The following RECQL5 variants were observed in gnomAD, a reference collection of about 807,000 sequenced individuals.
RECQL5 encodes ATP-dependent DNA helicase Q5.
Under a neutral mutation model 103.4 loss-of-function variants are expected in RECQL5, and 88 were observed. The observed-to-expected ratio is 0.85, with a 90% CI of 0.72 to 1.02. The LOEUF (loss-of-function observed/expected upper bound fraction) is 1.02. Ranked by LOEUF, RECQL5 falls within the 50% of genes least tolerant of loss-of-function variation. The pLI, the probability that RECQL5 is intolerant of heterozygous loss-of-function variation, is 0.00. For missense variants in RECQL5, 1,232 were observed against 1,284.3 expected, an observed-to-expected ratio of 0.96 and a Z score of 0.62; for synonymous variants, 552 against 507.9, an observed-to-expected ratio of 1.09 and a Z score of -1.17.
chr17:75,661,140 A>T lies in RECQL5; in HGVS notation c.875-74T>A, dbSNP rs560183845. On this transcript the variant is annotated intron_variant, in intron 5 of 19. Transcript: ENST00000317905. ...TTACCGGGGGCCTATTTTGGGTTTG[A>T]CACTGTGTGCTAGGCACTTCACAAA... 2,027 of 1,140,468 alleles carry T rather than the reference A, an allele frequency of 1.8e-3. 5 individuals are homozygous for T. The highest frequency in any genetic ancestry group is 2.4e-3 in the Non-Finnish European group (1,770 of 748,362). 70.6% of individuals were successfully genotyped at this position (1,140,468 alleles called of 1,614,324 possible). A position where few individuals can be genotyped will look rare whatever the true frequency, so the allele number is the denominator to read the frequency against.
At chr17:75,650,780 G>A (rs945355987) in intron 8 of RECQL5, 6 of 1,572,894 alleles carry the variant, frequency 3.8e-6, no homozygotes, top group Admixed American at 3.7e-5. Context: ...AGGTAAGTGG[G>A]GCCACAGGCT....
In RECQL5 at chr17:75,629,058, G is replaced by A. The variant is rs774613905; in HGVS notation, c.2365C>T (p.Pro789Ser). 34 of 1,608,642 alleles carry A rather than the reference G, an allele frequency of 2.1e-5. No homozygotes were observed. Among genetic ancestry groups the A allele is most frequent in the Non-Finnish European group, 6.8e-6 (8 of 1,177,178 alleles). The change falls in exon 16 of 20, where the codon CCC becomes TCC. Residue 789 changes from proline (P) to serine (S), a missense_variant. Pro to Ser is a moderately conservative substitution (Grantham distance 74, BLOSUM62 -1). Transcript: ENST00000317905. ...ASAPEAEGAC[P>S]SCEGVQGPPM... ...GGTCCCTGAACCCCCTCACAGGAGG[G>A]GCAGGCACCTTCTGCCTCTGGGGCT...
At chr17:75,647,269 C>T (rs910291150) in intron 8 of RECQL5, 1 of 1,019,256 alleles carries the variant, frequency 9.8e-7, no homozygotes, top group Non-Finnish European at 1.4e-6. Context: ...CGGCTGCTCA[C>T]AGAGGCTGCT....
chr17:75,656,979 C>G (rs188214344), intron 7 of RECQL5, among the ~76,000 whole-genome samples: 11 of 152,130 alleles, frequency 7.2e-5, no homozygotes, highest in South Asian at 6.2e-4. Context: ...CTCCTGACCT[C>G]GTGATCCACC....
intron 8 of RECQL5, chr17:75,647,558 A>T: frequency 4.5e-6 from 7 of 1,550,078 alleles, no homozygotes; most frequent in Non-Finnish European, 6.1e-6. Flanking sequence ...GCGGGTGAAG[A>T]GGAGTGACCT....
At chr17:75,657,097 G>A (rs1377672295) in intron 7 of RECQL5, among the ~76,000 whole-genome samples, 4 of 152,070 alleles carry the variant, frequency 2.6e-5, no homozygotes, top group African/African-American at 7.2e-5. Flanking sequence ...GGCTGGACAC[G>A]GTGGCTCACG....
At position 75,651,188 on chromosome 17, in the gene RECQL5, C is replaced by T. The variant is rs368798561; in HGVS notation, c.1227G>A (p.Leu409=). The T allele has an allele frequency of 2.0e-5, 32 of 1,614,074 alleles. No homozygotes were observed. The highest frequency in any genetic ancestry group is 2.5e-5 in the Non-Finnish European group (29 of 1,180,042). ...CACATATAAAATAAGTCACTTACCC[C>T]AGTTCTTCACAGAAGGTCACCAGGG... ...FDALVTFCEE[L]GCRHAAIAKY... Residue 409 remains leucine, a splice_region_variant and synonymous_variant, in exon 8 of 20, where the codon CTG becomes CTA. Transcript: ENST00000317905.
At chr17:75,660,763 G>A (rs767086350) in intron 6 of RECQL5, among the ~76,000 whole-genome samples, 192 bp downstream of exon 6, 5 of 152,210 alleles carry the variant, frequency 3.3e-5, no homozygotes, top group African/African-American at 7.2e-5. Flanking sequence ...GAACCATGCC[G>A]TGCAGTCACC....
Position 75,660,385 on chromosome 17 carries a change from G to A in RECQL5, c.986+570C>T, listed in dbSNP as rs578252731. ...GTGCCCGGCCAGGGATACGTTCTGA[G>A]AAATGACTTGTTAGGCAATTTCATC... On this transcript the variant is annotated intron_variant, in intron 6 of 19. Transcript: ENST00000317905. Among the ~76,000 whole-genome samples the A allele has an allele frequency of 1.8e-4, 27 of 152,316 alleles. No individual in the cohort carries two copies. In the East Asian group the frequency reaches 5.0e-3, roughly 28 times the overall value.
chr17:75,631,685 C>T lies in RECQL5; in HGVS notation c.1230-17G>A, dbSNP rs777794449. 1.1e-5 allele frequency: 17 copies of T among 1,606,986 alleles called. No homozygotes were observed. Among genetic ancestry groups the T allele is most frequent in the Admixed American group, 5.0e-5 (3 of 59,896 alleles). ...TGGCGGCACCTGGAGCAGGCAGCACCGCAGAGGTGAGGGGCGGAGAGCCCA... is the reference window on the plus strand; with the variant it reads ...TGGCGGCACCTGGAGCAGGCAGCACTGCAGAGGTGAGGGGCGGAGAGCCCA... On this transcript the variant is annotated splice_polypyrimidine_tract_variant and intron_variant, in intron 8 of 19. Transcript: ENST00000317905.
chr17:75,632,450 C>T (rs532039664), intron 8 of RECQL5, among the ~76,000 whole-genome samples: 3 of 152,366 alleles, frequency 2.0e-5, no homozygotes, highest in African/African-American at 7.2e-5. Context: ...TTTCTCAAAA[C>T]GTATTTGCAT....
In RECQL5 at chr17:75,647,856, G is replaced by A. The variant is rs886209789; in HGVS notation, c.1229+3330C>T. ...AGAGGATGGCTCCACTGCCTCAGGT[G>A]GAAGGAGCTATGGCTAACAAGGTTC... On this transcript the variant is annotated intron_variant, in intron 8 of 19. Coordinates refer to ENST00000317905, the MANE Select transcript of RECQL5 (RefSeq NM_004259.7). 1.2e-5 allele frequency: 4 copies of A among 327,116 alleles called. No individual in the cohort carries two copies. In the South Asian group the frequency reaches 2.4e-4, roughly 20 times the overall value. The allele number at this position is 327,116 out of a possible 1,614,324, so 20.3% of individuals were successfully genotyped here. A position where few individuals can be genotyped will look rare whatever the true frequency, so the allele number is the denominator to read the frequency against.
Position 75,628,753 on chromosome 17 carries a change from C to T in RECQL5, c.2499G>A (p.Pro833=), listed in dbSNP as rs752801193. Residue 833 remains proline, a synonymous_variant, in exon 17 of 20, where the codon CCG becomes CCA. Transcript: ENST00000317905. Reference sequence around the variant, plus strand: ...CTTCAGGGGTGCCCTGGTCTCTGGGCGGGCAGGTGCTGGTAGAGGGAAGAG... The same window carrying T: ...CTTCAGGGGTGCCCTGGTCTCTGGGTGGGCAGGTGCTGGTAGAGGGAAGAG... ...ECLRERPSTC[P]PRDQGTPEVQ... The T allele has an allele frequency of 2.6e-5, 41 of 1,593,720 alleles. No homozygotes were observed. The highest frequency in any genetic ancestry group is 2.3e-5 in the South Asian group (2 of 87,946).
intron 3 of RECQL5, among the ~76,000 whole-genome samples, chr17:75,663,760 A>G (rs923468296): frequency 2.0e-5 from 3 of 152,210 alleles, no homozygotes; most frequent in African/African-American, 7.2e-5. Flanking sequence ...GAGAGGTGAA[A>G]TTAACGTATG....
chr17:75,666,470 TAA>T lies in RECQL5; in HGVS notation c.86_87del (p.Phe29Ter). 1 of 1,614,072 alleles carries T rather than the reference TAA, an allele frequency of 6.2e-7. No homozygotes were observed. Among genetic ancestry groups the T allele is most frequent in the South Asian group, 1.1e-5 (1 of 91,076 alleles). On this transcript the variant is annotated frameshift_variant, in exon 2 of 20. Coordinates refer to ENST00000317905, the MANE Select transcript of RECQL5 (RefSeq NM_004259.7). LOFTEE classifies it high-confidence loss of function. The part of the protein sequence containing the change: ...TLKKVFGFDS[F>X]KTPLQESATM... The stretch of plus-strand genomic sequence containing the variant: ...GTCGCACTCTCCTGTAAAGGCGTCT[TAA>T]AAGAGTCAAACCCAAAGACCTTCTT...
At chr17:75,633,044 G>GAAT (rs1323139657) in intron 8 of RECQL5, among the ~76,000 whole-genome samples, 1 of 152,262 alleles carries the variant, frequency 6.6e-6, no homozygotes, top group East Asian at 1.9e-4. Context: ...TTAGCTGAGT[G>GAAT]AATGCAGCTC....
At chr17:75,634,270 G>A in intron 8 of RECQL5, 1 of 984,878 alleles carries the variant, frequency 1.0e-6, no homozygotes, top group Non-Finnish European at 1.2e-6. Context: ...TGCCCCCAGG[G>A]TGAAGGGCCA....
chr17:75,629,410 T>G lies in RECQL5; in HGVS notation c.2013A>C (p.Glu671Asp). 1.3e-6 allele frequency: 2 copies of G among 1,506,866 alleles called. No individual in the cohort carries two copies. The highest frequency in any genetic ancestry group is 1.8e-6 in the Non-Finnish European group (2 of 1,128,626). 93.3% of individuals were successfully genotyped at this position (1,506,866 alleles called of 1,614,324 possible). A position where few individuals can be genotyped will look rare whatever the true frequency, so the allele number is the denominator to read the frequency against. The change falls in exon 16 of 20, where the codon GAA becomes GAC. Residue 671 changes from glutamate (E) to aspartate (D), a missense_variant. Transcript: ENST00000317905. ...KGSCPFQTAT[E>D]LMETTRIREQ... ...CCCTGATCCGAGTTGTCTCCATCAG[T>G]TCCGTGGCCGTCTGGAACGGGCAGG... is the stretch of plus-strand genomic sequence containing the variant.
intron 8 of RECQL5, among the ~76,000 whole-genome samples, chr17:75,647,129 T>A (rs1281480513): frequency 6.6e-6 from 1 of 152,160 alleles, no homozygotes; most frequent in South Asian, 2.1e-4. Context: ...CTAGGAAGAA[T>A]CCAGGGCCCC....
Sources: gnomAD v4.1 joint callset for allele counts (sites outside exome capture counted in the v4.1 genomes callset) on GRCh38, gnomAD v4.1.1 for gene constraint, MANE v1.5 for transcripts, NCBI Gene and HGNC (gene_info 2026-07-23, HGNC 2026-07-21) for gene names.